Variants in ATF2 observed in about 807,000 individuals in gnomAD.
ATF2 encodes activating transcription factor 2, also known as cyclic AMP-dependent transcription factor ATF-2.
Under a neutral mutation model 60.6 loss-of-function variants are expected in ATF2, and 24 were observed. The observed-to-expected ratio is 0.40, with a 90% CI of 0.29 to 0.56. ATF2 has a LOEUF of 0.56. ATF2 is among the 20% of genes least tolerant of loss of function. The probability of loss-of-function intolerance (pLI) is 0.54; values close to 1 mark genes in which losing one functional copy is unlikely to be tolerated. For synonymous variants in ATF2, 206 were observed against 215.4 expected, an observed-to-expected ratio of 0.96 and a Z score of 0.38; for missense variants, 433 against 607.7, an observed-to-expected ratio of 0.71 and a Z score of 3.02.
intron 2 of ATF2, among the ~76,000 whole-genome samples, chr2:175,138,417 A>C (rs1279353471): frequency 1.3e-5 from 2 of 152,220 alleles, no homozygotes; most frequent in Non-Finnish European, 2.9e-5. Flanking sequence ...TCAAATTAAG[A>C]ATCAAAACTA....
Position 175,090,456 on chromosome 2 carries a change from T to C in ATF2, c.1185+2605A>G, listed in dbSNP as rs561356926. On this transcript the variant is annotated intron_variant, in intron 12 of 13. Transcript: ENST00000264110. Reference sequence around the variant, plus strand: ...TTCTTTTTGCCCATACAAATATATATATTATAGATATTTTCCCAGGTTAAT... The same window carrying C: ...TTCTTTTTGCCCATACAAATATATACATTATAGATATTTTCCCAGGTTAAT... Among the ~76,000 whole-genome samples the C allele has an allele frequency of 9.2e-5, 14 of 152,222 alleles. No individual in the cohort carries two copies. The East Asian group carries it at 2.5e-3, about 27-fold the overall frequency.
intron 10 of ATF2, among the ~76,000 whole-genome samples, chr2:175,106,348 T>C (rs1357591440): frequency 2.0e-5 from 3 of 150,400 alleles, no homozygotes; most frequent in Non-Finnish European, 4.4e-5. Flanking sequence ...CTGGCCAACA[T>C]GGTGATACCC....
intron 10 of ATF2, among the ~76,000 whole-genome samples, chr2:175,103,970 C>T (rs955394762): frequency 6.6e-6 from 1 of 151,334 alleles, no homozygotes; most frequent in African/African-American, 2.4e-5. Flanking sequence ...CGGTCCCTAT[C>T]GACATTTAAC....
In ATF2 at chr2:175,115,077, C is replaced by CGTT. The variant is rs202141006; in HGVS notation, c.448-212_448-210dup. ...TTAATATTTTAATTTTAAAAAGACTCGTTTTTTTTTTTTCCAGTACAACTT... is the reference window on the plus strand; with the variant it reads ...TTAATATTTTAATTTTAAAAAGACTCGTTGTTTTTTTTTTTTCCAGTACAACTT... On this transcript the variant is annotated intron_variant, in intron 7 of 13. Coordinates refer to ENST00000264110, the MANE Select transcript of ATF2 (RefSeq NM_001880.4). Among the ~76,000 whole-genome samples the CGTT allele has an allele frequency of 8.3e-3, 1,161 of 140,648 alleles. 12 individuals are homozygous for CGTT. The highest frequency in any genetic ancestry group is 0.029 in the African/African-American group (1,065 of 37,226). The allele number at this position is 140,648 out of a possible 152,430, so 92.3% of individuals were successfully genotyped here.
intron 1 of ATF2, 132 bp downstream of exon 1, chr2:175,167,918 A>T (rs1277587701): frequency 2.8e-6 from 1 of 362,294 alleles, no homozygotes; most frequent in Non-Finnish European, 5.7e-6. Flanking sequence ...GCTAAGGAGC[A>T]CGTCAGGAGC....
chr2:175,090,277 T>C (rs1429314755), intron 12 of ATF2, among the ~76,000 whole-genome samples: 1 of 152,166 alleles, frequency 6.6e-6, no homozygotes, highest in Non-Finnish European at 1.5e-5. Flanking sequence ...GTTTGTTCTA[T>C]ATTCTTTCAC....
At position 175,085,422 on chromosome 2, in the gene ATF2, C is replaced by A. The variant is rs148726984; in HGVS notation, c.1186-4657G>T. Among the ~76,000 whole-genome samples the A allele has an allele frequency of 7.0e-4, 107 of 152,070 alleles. 1 individual carries two copies. Among genetic ancestry groups the A allele is most frequent in the Admixed American group, 1.8e-3 (28 of 15,250 alleles). On this transcript the variant is annotated intron_variant, in intron 12 of 13. Coordinates refer to ENST00000264110, the MANE Select transcript of ATF2 (RefSeq NM_001880.4). ...TGGTGGCGCATGCCTGTAATCCCAG[C>A]GACTTGGAAGGCTGAGGCAGGAGAA...
intron 13 of ATF2, among the ~76,000 whole-genome samples, chr2:175,079,484 T>C (rs1452518121): frequency 1.2e-4 from 18 of 152,136 alleles, no homozygotes. Flanking sequence ...CATATTTCTA[T>C]ATGGTTCCAA....
intron 11 of ATF2, among the ~76,000 whole-genome samples, chr2:175,093,635 A>G (rs212358): frequency 1 from 152,073 of 152,244 alleles, 75,951 homozygotes; most frequent in Middle Eastern, 1. Flanking sequence ...CTGGAAAACT[A>G]ATTATAAATT....
intron 13 of ATF2, among the ~76,000 whole-genome samples, chr2:175,079,987 G>A (rs532988490): frequency 6.6e-6 from 1 of 152,116 alleles, no homozygotes; most frequent in Admixed American, 6.5e-5. Context: ...CCAACACTGT[G>A]CATCTTATCA....
chr2:175,123,854 A>C (rs999243305), intron 4 of ATF2, among the ~76,000 whole-genome samples: 1 of 152,006 alleles, frequency 6.6e-6, no homozygotes, highest in Non-Finnish European at 1.5e-5. Context: ...ATACAAAAAC[A>C]CTGCAAAAGA....
intron 12 of ATF2, among the ~76,000 whole-genome samples, chr2:175,082,122 A>G (rs1158558727): frequency 6.6e-6 from 1 of 152,188 alleles, no homozygotes. Flanking sequence ...ACAGAAACAT[A>G]AAAATTAAAT....
chr2:175,081,084 G>A (rs1215577563), intron 12 of ATF2, among the ~76,000 whole-genome samples: 1 of 151,936 alleles, frequency 6.6e-6, no homozygotes, highest in Non-Finnish European at 1.5e-5. Context: ...TATGTTGCAT[G>A]CTCTTCTGAT....
At chr2:175,167,515 T>C in intron 1 of ATF2, 1 of 426,286 alleles carries the variant, frequency 2.3e-6, no homozygotes, top group Non-Finnish European at 5.0e-6. Context: ...ACCCTGATTC[T>C]ATTTTCAGCC....
chr2:175,118,148 T>C (rs751766845), intron 6 of ATF2, 30 bp from the exon 7 acceptor site: 1 of 1,604,286 alleles, frequency 6.2e-7, no homozygotes, highest in Non-Finnish European at 8.5e-7. Context: ...GAAAAGGTTA[T>C]AAGTTCAAAA....
At chr2:175,140,859 T>C (rs2105780504) in intron 2 of ATF2, among the ~76,000 whole-genome samples, 1 of 148,406 alleles carries the variant, frequency 6.7e-6, no homozygotes, top group South Asian at 2.1e-4. Flanking sequence ...TAGCCAGGCA[T>C]GGTGGTATGT....
At chr2:175,097,349 G>T in intron 11 of ATF2, 95 bp downstream of exon 11, 2 of 1,491,186 alleles carry the variant, frequency 1.3e-6, no homozygotes, top group Non-Finnish European at 1.8e-6. Context: ...ATAACAACAT[G>T]ACCAGAGTAA....
intron 4 of ATF2, among the ~76,000 whole-genome samples, chr2:175,124,116 C>T (rs1275921662): frequency 6.6e-6 from 1 of 151,612 alleles, no homozygotes; most frequent in African/African-American, 2.4e-5. Context: ...GTAAAAATAT[C>T]TATATTACTA....
At position 175,080,652 on chromosome 2, in the gene ATF2, T is replaced by A; in HGVS notation, c.1291+8A>T. The A allele has an allele frequency of 6.2e-7, 1 of 1,610,014 alleles. No homozygotes were observed. Among genetic ancestry groups the A allele is most frequent in the Non-Finnish European group, 8.5e-7 (1 of 1,176,716 alleles). On this transcript the variant is annotated splice_region_variant and intron_variant, in intron 13 of 13. Transcript: ENST00000264110. ...GCCTAAGGCTATAGGTAATGGAACA[T>A]TACTCACTATGATAGCCAGATTTCT...
Sources: allele counts gnomAD v4.1 joint callset (sites outside exome capture counted in the v4.1 genomes callset), GRCh38; gene constraint gnomAD v4.1.1; transcripts MANE v1.5; gene names NCBI Gene and HGNC (gene_info 2026-07-23, HGNC 2026-07-21).